EPHB1: variants seen among roughly 807,000 people sequenced by gnomAD.
EPHB1 encodes the protein ephrin type-B receptor 1.
A neutral mutation model predicts 94.4 loss-of-function variants in EPHB1; 30 were observed. The observed-to-expected ratio is 0.32, with a 90% CI of 0.24 to 0.43. The LOEUF (loss-of-function observed/expected upper bound fraction) is 0.43, where lower values mean the gene tolerates loss of function less well. Among genes scored for constraint, EPHB1 ranks in the 20% least tolerant of loss-of-function variants. The pLI is 1.00. For missense variants in EPHB1, 1,055 were observed against 1,308.3 expected, an observed-to-expected ratio of 0.81 and a Z score of 2.99; for synonymous variants, 522 against 489.1, an observed-to-expected ratio of 1.07 and a Z score of -0.89.
intron 5 of EPHB1, among the ~76,000 whole-genome samples, chr3:135,133,538 A>G (rs139326519): frequency 8.8e-4 from 134 of 152,348 alleles, no homozygotes; most frequent in African/African-American, 3.1e-3. Flanking sequence ...TGGAAACCCA[A>G]TGACAGAAAT....
intron 2 of EPHB1, among the ~76,000 whole-genome samples, chr3:134,941,787 ACACACACACAC>A: frequency 6.6e-6 from 1 of 151,856 alleles, no homozygotes; most frequent in Admixed American, 6.6e-5. Flanking sequence ...ACACACACAC[ACACACACACAC>A]AATCAGCCAG....
chr3:135,147,176 C>A (rs78617072), intron 5 of EPHB1, among the ~76,000 whole-genome samples: 103 of 152,246 alleles, frequency 6.8e-4, no homozygotes, highest in African/African-American at 2.5e-3. Flanking sequence ...CTGAGCTGGG[C>A]CCTAGGCTCC....
chr3:135,197,968 G>A (rs556658789), intron 11 of EPHB1, among the ~76,000 whole-genome samples: 19 of 152,246 alleles, frequency 1.2e-4, no homozygotes, highest in African/African-American at 2.2e-4. Context: ...TTTCACCAAG[G>A]TTACGAATTC....
At chr3:134,944,358 C>T (rs2039178014) in intron 2 of EPHB1, among the ~76,000 whole-genome samples, 1 of 152,114 alleles carries the variant, frequency 6.6e-6, no homozygotes, top group Admixed American at 6.5e-5. Context: ...TTTGTTTATG[C>T]ACTCACCACT....
intron 1 of EPHB1, among the ~76,000 whole-genome samples, chr3:134,893,007 G>A (rs1239281767): frequency 6.6e-6 from 1 of 152,100 alleles, no homozygotes; most frequent in Non-Finnish European, 1.5e-5. Flanking sequence ...CACACACACG[G>A]TATCAGCCCT....
intron 1 of EPHB1, among the ~76,000 whole-genome samples, chr3:134,822,021 G>A (rs1011267172): frequency 1.3e-5 from 2 of 152,220 alleles, no homozygotes; most frequent in Non-Finnish European, 2.9e-5. Context: ...AAAGGAGGAG[G>A]AGGAAGGGAG....
intron 3 of EPHB1, among the ~76,000 whole-genome samples, chr3:135,088,077 G>A (rs546819343): frequency 4.3e-4 from 66 of 152,230 alleles, no homozygotes; most frequent in Non-Finnish European, 8.1e-4. Flanking sequence ...GGAAAAGTAG[G>A]ACAAGATGCC....
intron 1 of EPHB1, among the ~76,000 whole-genome samples, chr3:134,813,653 G>T (rs1258393804): frequency 6.6e-6 from 1 of 152,032 alleles, no homozygotes; most frequent in Admixed American, 6.5e-5. Context: ...AGCTTTTCTG[G>T]TTCTTGTTGC....
intron 3 of EPHB1, among the ~76,000 whole-genome samples, chr3:135,062,093 G>A (rs1167853371): frequency 6.6e-6 from 1 of 152,188 alleles, no homozygotes; most frequent in Non-Finnish European, 1.5e-5. Flanking sequence ...TCCACTCGTT[G>A]ATGGGCATTT....
intron 3 of EPHB1, among the ~76,000 whole-genome samples, chr3:134,984,601 G>A: frequency 6.6e-6 from 1 of 151,988 alleles, no homozygotes; most frequent in African/African-American, 2.4e-5. Context: ...AGAGGGAAGG[G>A]CCCTCACCTG....
chr3:135,230,878 G>T (rs547481831), intron 12 of EPHB1, among the ~76,000 whole-genome samples: 1 of 152,326 alleles, frequency 6.6e-6, no homozygotes, highest in East Asian at 1.9e-4. Context: ...CTCCATTCAT[G>T]TTACCACAAA....
intron 3 of EPHB1, among the ~76,000 whole-genome samples, chr3:135,064,126 G>A (rs927439691): frequency 6.6e-6 from 1 of 152,038 alleles, no homozygotes; most frequent in Non-Finnish European, 1.5e-5. Flanking sequence ...TAGCATGTAT[G>A]TTCATCACGG....
chr3:135,035,953 G>C (rs1231290928), intron 3 of EPHB1, among the ~76,000 whole-genome samples: 1 of 152,190 alleles, frequency 6.6e-6, no homozygotes, highest in South Asian at 2.1e-4. Context: ...GAAGAAAAGA[G>C]GGGCATAAGT....
intron 12 of EPHB1, among the ~76,000 whole-genome samples, chr3:135,239,595 G>T (rs1174772680): frequency 6.6e-6 from 1 of 152,120 alleles, no homozygotes; most frequent in Non-Finnish European, 1.5e-5. Flanking sequence ...TGAAAAGGGG[G>T]GTCATATTTG....
intron 1 of EPHB1, among the ~76,000 whole-genome samples, chr3:134,796,586 C>T (rs1002716419): frequency 6.6e-6 from 1 of 152,230 alleles, no homozygotes; most frequent in Non-Finnish European, 1.5e-5. Flanking sequence ...CGCTCGGTAG[C>T]GCTCGCGAAT....
At chr3:134,923,150 T>C (rs544670804) in intron 1 of EPHB1, among the ~76,000 whole-genome samples, 227 of 152,346 alleles carry the variant, frequency 1.5e-3, no homozygotes, top group Non-Finnish European at 2.8e-3. Flanking sequence ...TTAAGAAGCC[T>C]GCTCCAATGC....
At chr3:135,030,716 G>T (rs926566883) in intron 3 of EPHB1, among the ~76,000 whole-genome samples, 2 of 152,230 alleles carry the variant, frequency 1.3e-5, no homozygotes, top group Non-Finnish European at 2.9e-5. Flanking sequence ...AGCCTACAGA[G>T]GCAGGCAGGC....
chr3:135,093,866 CCCACTATTTG>C (rs1938652376), intron 3 of EPHB1, among the ~76,000 whole-genome samples: 1 of 152,272 alleles, frequency 6.6e-6, no homozygotes, highest in African/African-American at 2.4e-5. Context: ...AATATTTGTT[CCCACTATTTG>C]CCAATATTTT....
chr3:134,993,229 G>A (rs1167365055), intron 3 of EPHB1, among the ~76,000 whole-genome samples: 1 of 152,244 alleles, frequency 6.6e-6, no homozygotes, highest in Non-Finnish European at 1.5e-5. Flanking sequence ...GGCCTGGGAA[G>A]CAATCCAGCC....
Sources: allele counts gnomAD v4.1 joint callset (sites outside exome capture counted in the v4.1 genomes callset), GRCh38; gene constraint gnomAD v4.1.1; transcripts MANE v1.5; gene names NCBI Gene and HGNC (gene_info 2026-07-23, HGNC 2026-07-21).